PTPRN2: variants seen among roughly 807,000 people sequenced by gnomAD.
PTPRN2 encodes the protein receptor-type tyrosine-protein phosphatase N2.
A neutral mutation model predicts 118.8 loss-of-function variants in PTPRN2; 74 were observed. That is an observed-to-expected ratio of 0.62 (90% CI 0.52 to 0.76). The LOEUF (loss-of-function observed/expected upper bound fraction) is 0.76. Ranked by LOEUF, PTPRN2 falls within the 30% of genes least tolerant of loss-of-function variation. The pLI, the probability that PTPRN2 is intolerant of heterozygous loss-of-function variation, is 0.00. For synonymous variants in PTPRN2, 641 were observed against 608.0 expected (o/e 1.05, Z -0.80); for missense variants, 1,481 against 1,394.4 (o/e 1.06, Z -0.99).
At chr7:158,121,394 T>TACACAC (rs1817161360) in intron 9 of PTPRN2, among the ~76,000 whole-genome samples, 1 of 152,218 alleles carries the variant, frequency 6.6e-6, no homozygotes, top group Non-Finnish European at 1.5e-5. Context: ...AGGTCTCCAG[T>TACACAC]ACTTTCATAT....
chr7:157,613,805 G>A (rs1469138736), intron 15 of PTPRN2, among the ~76,000 whole-genome samples: 1 of 152,192 alleles, frequency 6.6e-6, no homozygotes, highest in African/African-American at 2.4e-5. Flanking sequence ...GTCTCGGAGC[G>A]CAGGGGTCCC....
In PTPRN2 at chr7:157,576,661, T is replaced by C; in HGVS notation, c.2735A>G (p.Tyr912Cys). The C allele has an allele frequency of 1.2e-6, 2 of 1,612,822 alleles. No homozygotes were observed. The highest frequency in any genetic ancestry group is 1.7e-5 in the Admixed American group (1 of 59,854). The change falls in exon 19 of 23, where the codon TAT becomes TGT. Residue 912 changes from tyrosine (Y) to cysteine (C), a missense_variant. This residue lies in a region of PTPRN2 where 362 missense variants were observed against 384.1 expected (regional missense o/e 0.94). Transcript: ENST00000389418. ...TGAGGAGGAAGGGACTCCTCGGTCA[T>C]ACCAACTCAGGAAGTGGAACTGCGT... The part of the protein sequence containing the change: ...TVTQFHFLSW[Y>C]DRGVPSSSRS...
intron 11 of PTPRN2, among the ~76,000 whole-genome samples, chr7:157,980,414 A>C (rs1803048344): frequency 6.6e-6 from 1 of 152,334 alleles, no homozygotes; most frequent in East Asian, 1.9e-4. Flanking sequence ...CGGAGTTGGA[A>C]AAGAAACTTC....
chr7:158,341,355 GTAA>G (rs1806733547), intron 2 of PTPRN2, among the ~76,000 whole-genome samples: 2 of 126,366 alleles, frequency 1.6e-5, no homozygotes, highest in Admixed American at 8.2e-5. Context: ...ACCATAAGAG[GTAA>G]CACATGCAGA....
chr7:158,490,830 G>A (rs1821395680), intron 1 of PTPRN2, among the ~76,000 whole-genome samples: 1 of 152,208 alleles, frequency 6.6e-6, no homozygotes, highest in Admixed American at 6.5e-5. Flanking sequence ...TTCGGGACTC[G>A]CCACACTGTG....
intron 2 of PTPRN2, among the ~76,000 whole-genome samples, chr7:158,370,315 A>C (rs1357317736): frequency 6.6e-6 from 1 of 152,172 alleles, no homozygotes; most frequent in African/African-American, 2.4e-5. Context: ...ACACACCTGT[A>C]GTCCCAGTTA....
chr7:158,040,658 GAAGA>G (rs1808393867), intron 11 of PTPRN2, among the ~76,000 whole-genome samples: 1 of 151,214 alleles, frequency 6.6e-6, no homozygotes, highest in African/African-American at 2.4e-5. Context: ...CAAAACTGAA[GAAGA>G]AATAAAGACT....
intron 2 of PTPRN2, among the ~76,000 whole-genome samples, chr7:158,361,967 C>T (rs71544584): frequency 0.96 from 146,608 of 152,174 alleles, 70,680 homozygotes; most frequent in African/African-American, 0.99. Context: ...TCTCTCCTCC[C>T]TTCGTTTCTT....
chr7:158,505,371 T>A (rs150353487), intron 1 of PTPRN2, among the ~76,000 whole-genome samples: 2 of 152,248 alleles, frequency 1.3e-5, no homozygotes, highest in Non-Finnish European at 2.9e-5. Context: ...CAGCTGTGTG[T>A]GCTCCATGAG....
At position 157,591,910 on chromosome 7, in the gene PTPRN2, T is replaced by C. The variant is rs925680307; in HGVS notation, c.2496+3328A>G. On this transcript the variant is annotated intron_variant, in intron 17 of 22. Transcript: ENST00000389418. This position sits in a 1 kb window ranked among gnomAD's most constrained non-coding sequence, Gnocchi z 4.4. Reference sequence around the variant, plus strand: ...TCAGGGACGTCTGCAGGGAGCAAAATGAAGCGAGTTTCTTTAGTTCACAAT... The same window carrying C: ...TCAGGGACGTCTGCAGGGAGCAAAACGAAGCGAGTTTCTTTAGTTCACAAT... 2.6e-5 allele frequency among the ~76,000 whole-genome samples: 4 copies of C among 152,112 alleles called. No individual in the cohort carries two copies. Among genetic ancestry groups the C allele is most frequent in the Non-Finnish European group, 4.4e-5 (3 of 68,014 alleles).
intron 22 of PTPRN2, among the ~76,000 whole-genome samples, chr7:157,545,082 T>G (rs983458069): frequency 5.5e-5 from 8 of 144,970 alleles, no homozygotes; most frequent in African/African-American, 1.0e-4. Flanking sequence ...GGTGTGTGTG[T>G]GGGTGTGCAC....
intron 2 of PTPRN2, among the ~76,000 whole-genome samples, chr7:158,338,029 A>G (rs1415465842): frequency 2.2e-5 from 1 of 46,468 alleles, no homozygotes; most frequent in East Asian, 6.6e-4. Flanking sequence ...GACGTCACTC[A>G]CACCCACACT....
At position 157,780,453 on chromosome 7, in the gene PTPRN2, A is replaced by T. The variant is rs1311826170; in HGVS notation, c.1789-97516T>A. Among the ~76,000 whole-genome samples, 1 of 152,192 alleles carries T rather than the reference A, an allele frequency of 6.6e-6. No individual in the cohort carries two copies. Among genetic ancestry groups the T allele is most frequent in the African/African-American group, 2.4e-5 (1 of 41,448 alleles). On this transcript the variant is annotated intron_variant, in intron 12 of 22. Transcript: ENST00000389418. This position sits in a 1 kb window ranked among gnomAD's most constrained non-coding sequence, Gnocchi z 4.5. ...GCTGGCGGAGGGGCCGTGCTGCTGG[A>T]TCAGATGGCGGAACACGGCCCAGAG...
At chr7:157,650,233 C>G (rs1404007044) in intron 14 of PTPRN2, among the ~76,000 whole-genome samples, 1 of 152,210 alleles carries the variant, frequency 6.6e-6, no homozygotes, top group Non-Finnish European at 1.5e-5. Flanking sequence ...GAAGGCTTCC[C>G]AAACCTGCCC....
intron 19 of PTPRN2, 100 bp downstream of exon 19, chr7:157,576,513 C>T (rs2150524527): frequency 3.2e-6 from 4 of 1,250,316 alleles, no homozygotes; most frequent in Middle Eastern, 2.5e-4. Context: ...GACACAGACG[C>T]GGCCCTCGGC....
intron 2 of PTPRN2, among the ~76,000 whole-genome samples, chr7:158,394,583 A>G (rs1019301320): frequency 6.6e-6 from 1 of 152,200 alleles, no homozygotes; most frequent in Non-Finnish European, 1.5e-5. Context: ...GTGGTCTCTA[A>G]GTACTGGCTG....
In PTPRN2 at chr7:157,745,852, T is replaced by C. The variant is rs80014049; in HGVS notation, c.1789-62915A>G. 1.3e-3 allele frequency among the ~76,000 whole-genome samples: 197 copies of C among 152,184 alleles called. 6 individuals are homozygous for C. The East Asian group carries it at 0.036, about 27-fold the overall frequency. On this transcript the variant is annotated intron_variant, in intron 12 of 22. Coordinates refer to ENST00000389418, the MANE Select transcript of PTPRN2 (RefSeq NM_002847.5). Reference sequence around the variant, plus strand: ...CGCCCTGATTTGACCATCACAAAGCTCCTTCTCTGGCTGCAGGATGCACTC... The same window carrying C: ...CGCCCTGATTTGACCATCACAAAGCCCCTTCTCTGGCTGCAGGATGCACTC...
At chr7:158,063,874 G>T (rs550027566) in intron 11 of PTPRN2, among the ~76,000 whole-genome samples, 1 of 152,104 alleles carries the variant, frequency 6.6e-6, no homozygotes, top group African/African-American at 2.4e-5. Context: ...AGGCAACCAC[G>T]ACAAAACCTA....
intron 19 of PTPRN2, 149 bp downstream of exon 19, chr7:157,576,464 C>T: frequency 1.2e-6 from 1 of 813,618 alleles, no homozygotes; most frequent in Non-Finnish European, 1.8e-6. Flanking sequence ...ACGGAGTCTT[C>T]CCGCCTCTCG....
Sources: gnomAD v4.1 joint callset for allele counts (sites outside exome capture counted in the v4.1 genomes callset) on GRCh38, gnomAD v4.1.1 for gene constraint, gnomAD v4.1.1 regional missense constraint, Gnocchi (gnomAD v3.1) non-coding constraint, MANE v1.5 for transcripts, NCBI Gene and HGNC (gene_info 2026-07-23, HGNC 2026-07-21) for gene names.